CADM2: variants seen among roughly 807,000 people sequenced by gnomAD.
CADM2 encodes cell adhesion molecule 2.
In CADM2, 12 loss-of-function variants were observed where a neutral mutation model predicts 49.8. The observed-to-expected ratio is 0.24, with a 90% confidence interval of 0.15 to 0.39. CADM2 has a LOEUF of 0.39. Ranked by LOEUF, CADM2 falls within the 10% of genes least tolerant of loss-of-function variation. The pLI is 1.00. For synonymous variants in CADM2, 214 were observed against 175.4 expected (o/e 1.22, Z -1.74); for missense variants, 378 against 492.3 (o/e 0.77, Z 2.20).
chr3:85,535,784 C>T lies in CADM2; in HGVS notation c.62-190738C>T, dbSNP rs184056652. Among the ~76,000 whole-genome samples, 21 of 152,020 alleles carry T rather than the reference C, an allele frequency of 1.4e-4. No individual in the cohort carries two copies. In the Middle Eastern group the frequency reaches 0.01, roughly 74 times the overall value. ...GAAATGTACAGCATGACACTGCAGG[C>T]GAGAATTTATTCCTGGAAGCCACTG... On this transcript the variant is annotated intron_variant, in intron 1 of 9. Transcript: ENST00000383699.
intron 1 of CADM2, among the ~76,000 whole-genome samples, chr3:85,518,488 C>T (rs2060954750): frequency 6.6e-6 from 1 of 151,834 alleles, no homozygotes; most frequent in South Asian, 2.1e-4. Flanking sequence ...ATCAGCTCTC[C>T]ACTGCCAGGT....
intron 1 of CADM2, among the ~76,000 whole-genome samples, chr3:84,974,192 A>T (rs1166523465): frequency 6.6e-6 from 1 of 151,542 alleles, no homozygotes; most frequent in Admixed American, 6.6e-5. Flanking sequence ...GGAATGGATG[A>T]TATACATGTT....
At chr3:85,561,481 ATTAGT>A (rs941695696) in intron 1 of CADM2, among the ~76,000 whole-genome samples, 1 of 152,214 alleles carries the variant, frequency 6.6e-6, no homozygotes, top group Non-Finnish European at 1.5e-5. Context: ...AAAAGAATTT[ATTAGT>A]TTAGAGACTC....
rs566643568 is a variant in CADM2 at position 85,101,186 on chromosome 3, G to A, written c.61+141518G>A. ...GGAGAATTGCTTAAACAAAGGAGGT[G>A]GAGGTTGCAGTGAGCCGAGAGCGCA... On this transcript the variant is annotated intron_variant, in intron 1 of 9. Coordinates refer to ENST00000383699, the MANE Select transcript of CADM2 (RefSeq NM_001167675.2). 7.8e-4 allele frequency among the ~76,000 whole-genome samples: 118 copies of A among 152,226 alleles called. 1 individual carries two copies. The South Asian group carries it at 0.024, about 32-fold the overall frequency.
chr3:85,230,718 G>T (rs1471238418), intron 1 of CADM2, among the ~76,000 whole-genome samples: 2 of 152,176 alleles, frequency 1.3e-5, no homozygotes, highest in South Asian at 4.1e-4. Flanking sequence ...AAAATAGGGA[G>T]AAATTAAGTG....
rs1726708638 is a variant in CADM2, at chr3:85,975,814, C to T, written c.970+14167C>T. On this transcript the variant is annotated intron_variant, in intron 8 of 9. Transcript: ENST00000383699. ...TCAGAGGTGAAATATACAAATTGAG[C>T]TGTGTATTGGATGGTTATCATTTCT... Among the ~76,000 whole-genome samples, 3 of 151,418 alleles carry T rather than the reference C, an allele frequency of 2.0e-5. No homozygotes were observed. In the Admixed American group the frequency reaches 2.0e-4, roughly 10 times the overall value.
At chr3:85,382,287 A>G (rs987390869) in intron 1 of CADM2, among the ~76,000 whole-genome samples, 1 of 152,144 alleles carries the variant, frequency 6.6e-6, no homozygotes, top group African/African-American at 2.4e-5. Context: ...ACTCTATGCT[A>G]CAAAAAGGCC....
chr3:85,607,445 G>A (rs9855084), intron 1 of CADM2, among the ~76,000 whole-genome samples: 7,227 of 152,044 alleles, frequency 0.048, 590 homozygotes, highest in African/African-American at 0.17. Context: ...AGAATCACAG[G>A]AATTTTGAAG....
intron 9 of CADM2, 64 bp downstream of exon 9, chr3:86,065,794 A>G: frequency 6.5e-7 from 1 of 1,539,130 alleles, no homozygotes; most frequent in Non-Finnish European, 8.9e-7. Flanking sequence ...TTCATTATAA[A>G]ATATGATATC....
chr3:85,320,119 C>A (rs1227529815), intron 1 of CADM2, among the ~76,000 whole-genome samples: 1 of 152,098 alleles, frequency 6.6e-6, no homozygotes, highest in East Asian at 1.9e-4. Flanking sequence ...TTGGCAATGT[C>A]TGGAGACAAG....
chr3:85,829,326 T>C (rs995486813), intron 3 of CADM2, among the ~76,000 whole-genome samples: 2 of 151,868 alleles, frequency 1.3e-5, no homozygotes, highest in Non-Finnish European at 2.9e-5. Context: ...ATTTTACCTA[T>C]TTATGTACTA....
intron 1 of CADM2, among the ~76,000 whole-genome samples, chr3:85,088,088 G>C (rs1052632835): frequency 2.0e-5 from 3 of 152,064 alleles, no homozygotes; most frequent in East Asian, 1.9e-4. Flanking sequence ...AGAATTTTCT[G>C]TCTAATCCTG....
chr3:85,100,487 AC>A (rs1445076615), intron 1 of CADM2, among the ~76,000 whole-genome samples: 1 of 152,208 alleles, frequency 6.6e-6, no homozygotes, highest in African/African-American at 2.4e-5. Context: ...ACTAGCATTA[AC>A]TTTTTATGAG....
intron 1 of CADM2, among the ~76,000 whole-genome samples, chr3:85,545,148 A>C (rs1462913035): frequency 6.6e-6 from 1 of 152,130 alleles, no homozygotes; most frequent in Admixed American, 6.5e-5. Flanking sequence ...GGGACTAATA[A>C]TTTTTTGAAG....
chr3:85,955,684 A>G (rs952190551), intron 7 of CADM2, among the ~76,000 whole-genome samples: 3 of 151,544 alleles, frequency 2.0e-5, no homozygotes, highest in Non-Finnish European at 3.0e-5. Context: ...GGTTCAAAAT[A>G]TTAAATAAAA....
intron 1 of CADM2, among the ~76,000 whole-genome samples, chr3:85,519,348 TTTTTA>T (rs1200531682): frequency 6.6e-6 from 1 of 152,144 alleles, no homozygotes; most frequent in East Asian, 1.9e-4. Context: ...ATGCTTAGTT[TTTTTA>T]TTTTTAATCT....
At chr3:86,045,734 T>G (rs182257309) in intron 8 of CADM2, among the ~76,000 whole-genome samples, 97 of 152,234 alleles carry the variant, frequency 6.4e-4, no homozygotes, top group African/African-American at 2.3e-3. Context: ...GTAATAATAA[T>G]AAGAACAATA....
chr3:85,948,332 T>G (rs1406212467), intron 7 of CADM2, among the ~76,000 whole-genome samples: 2 of 151,522 alleles, frequency 1.3e-5, no homozygotes, highest in South Asian at 2.1e-4. Flanking sequence ...TTTGCATTTT[T>G]TTCGTAACAT....
intron 1 of CADM2, among the ~76,000 whole-genome samples, chr3:85,439,637 A>C (rs891231035): frequency 7.2e-5 from 11 of 152,132 alleles, no homozygotes; most frequent in Admixed American, 5.2e-4. Flanking sequence ...TATTGCAGCC[A>C]GTTAACTCAA....
Sources: gnomAD v4.1 joint callset for allele counts (sites outside exome capture counted in the v4.1 genomes callset) on GRCh38, gnomAD v4.1.1 for gene constraint, MANE v1.5 for transcripts, NCBI Gene and HGNC (gene_info 2026-07-23, HGNC 2026-07-21) for gene names.